The following SLC48A1 variants were observed in gnomAD, a reference collection of about 807,000 sequenced individuals.
SLC48A1 encodes the protein heme transporter HRG1.
Under a neutral mutation model 14.8 loss-of-function variants are expected in SLC48A1, and 6 were observed. That is an observed-to-expected ratio of 0.41 (90% CI 0.22 to 0.80). SLC48A1 has a LOEUF of 0.80. SLC48A1 is among the 30% of genes least tolerant of loss of function. The pLI, the probability that SLC48A1 is intolerant of heterozygous loss-of-function variation, is 0.34. For missense variants in SLC48A1, 165 were observed against 204.8 expected (o/e 0.81, Z 1.19); for synonymous variants, 89 against 90.0 (o/e 0.99, Z 0.06).
At chr12:47,760,551 ACTCT>A in intron 2 of SLC48A1, 4 of 258,056 alleles carry the variant, frequency 1.6e-5, no homozygotes, top group Non-Finnish European at 2.4e-5. Context: ...TGCTGCCCTT[ACTCT>A]GGGCAGGTGG....
At position 47,780,899 on chromosome 12, in the gene SLC48A1, CTT is replaced by C; in HGVS notation, c.*620_*621del. The C allele has an allele frequency of 1.9e-6, 1 of 533,432 alleles. No homozygotes were observed. The highest frequency in any genetic ancestry group is 1.4e-5 in the South Asian group (1 of 71,462). 33.0% of individuals were successfully genotyped at this position (533,432 alleles called of 1,614,324 possible). On this transcript the variant is annotated 3_prime_UTR_variant, in exon 3 of 3. Transcript: ENST00000442218. ...GTTTTCTTAGCACGCAGTGAGGAAT[CTT>C]TGTACTTAAGGCCAGGGCAACAAAG...
Position 47,780,301 on chromosome 12 carries a change from G to A in SLC48A1, c.*20G>A, listed in dbSNP as rs766144159. On this transcript the variant is annotated 3_prime_UTR_variant, in exon 3 of 3. Coordinates refer to ENST00000442218, the MANE Select transcript of SLC48A1 (RefSeq NM_017842.3). ...TTCTGACCCAGGGGGTGAGGTCTCT[G>A]CACCCTGGGGGGGCCTTAGGACCTG... 3.7e-6 allele frequency: 6 copies of A among 1,613,992 alleles called. No individual in the cohort carries two copies. The South Asian group carries it at 5.5e-5, about 15-fold the overall frequency.
Position 47,782,361 on chromosome 12 carries a change from AG to A in SLC48A1, c.*2082del, listed in dbSNP as rs1942905364. 6.6e-6 allele frequency: 1 copy of A among 152,262 alleles called. No individual in the cohort carries two copies. The highest frequency in any genetic ancestry group is 1.5e-5 in the Non-Finnish European group (1 of 68,074). 9.4% of individuals were successfully genotyped at this position (152,262 alleles called of 1,614,324 possible). ...GAGCTCCCAGCTGGGACTTAAACCC[AG>A]GTGTGTCTGAGTCACAACTCTTCGG... On this transcript the variant is annotated 3_prime_UTR_variant, in exon 3 of 3. Coordinates refer to ENST00000442218, the MANE Select transcript of SLC48A1 (RefSeq NM_017842.3).
At chr12:47,774,366 T>C (rs1031812641) in intron 1 of SLC48A1, among the ~76,000 whole-genome samples, 4 of 152,206 alleles carry the variant, frequency 2.6e-5, no homozygotes, top group Non-Finnish European at 5.9e-5. Context: ...ATCCTTACAT[T>C]AGTCTCATGA....
chr12:47,773,131 G>A, upstream of SLC48A1: 3 of 930,688 alleles, frequency 3.2e-6, no homozygotes, highest in Admixed American at 6.2e-5. Context: ...TTCCGGGCGC[G>A]GGCGGCCTCC....
chr12:47,770,177 C>A (rs1942600166), upstream of SLC48A1, among the ~76,000 whole-genome samples: 1 of 152,282 alleles, frequency 6.6e-6, no homozygotes, highest in Non-Finnish European at 1.5e-5. Context: ...TTAAGCCTGG[C>A]CTTAGCCTTG....
At chr12:47,757,473 G>A (rs1014673515), upstream of SLC48A1, among the ~76,000 whole-genome samples, 1 of 152,046 alleles carries the variant, frequency 6.6e-6, no homozygotes, top group African/African-American at 2.4e-5. Context: ...ATGTTGCCAC[G>A]GTGATGCACC....
chr12:47,767,140 G>C (rs1194600275), upstream of SLC48A1, among the ~76,000 whole-genome samples: 1 of 148,590 alleles, frequency 6.7e-6, no homozygotes, highest in Admixed American at 6.7e-5. Flanking sequence ...GTCAGGCACA[G>C]CCTCGGGTTG....
intron 2 of SLC48A1, among the ~76,000 whole-genome samples, chr12:47,764,556 C>G (rs1253340991): frequency 6.6e-6 from 1 of 152,206 alleles, no homozygotes; most frequent in Non-Finnish European, 1.5e-5. Flanking sequence ...AGTTCTGTCT[C>G]TCAGACCTGG....
Position 47,759,007 on chromosome 12 carries a change from G to A in SLC48A1, c.-373+347G>A, listed in dbSNP as rs923294377. ...GGTAGAGGAATGCGTAGGGGAAGGG[G>A]GCCGGCACTGGCAGGCTTTGGAGTC... On this transcript the variant is annotated intron_variant, in intron 1 of 4. Transcript: ENST00000547002. 25 of 991,290 alleles carry A rather than the reference G, an allele frequency of 2.5e-5. No individual in the cohort carries two copies. In the African/African-American group the frequency reaches 4.4e-4, roughly 17 times the overall value. 61.4% of individuals were successfully genotyped at this position (991,290 alleles called of 1,614,324 possible). A position where few individuals can be genotyped will look rare whatever the true frequency, so the allele number is the denominator to read the frequency against.
chr12:47,758,970 G>T, intron 1 of SLC48A1: 1 of 1,007,546 alleles, frequency 9.9e-7, no homozygotes, highest in Non-Finnish European at 1.2e-6. Context: ...GGGTGGAGGC[G>T]CCCTGCCTTA....
upstream of SLC48A1, among the ~76,000 whole-genome samples, chr12:47,755,489 T>G (rs532738685): frequency 2.4e-4 from 36 of 152,348 alleles, no homozygotes; most frequent in African/African-American, 8.7e-4. Flanking sequence ...CAGACTTCCC[T>G]GAGCTAGTAG....
At chr12:47,760,259 T>A in exon 2 of SLC48A1, 1 of 985,488 alleles carries the variant, frequency 1.0e-6, no homozygotes, top group Non-Finnish European at 1.2e-6. Context: ...GGTGGAGTTT[T>A]AAATGCCTCT....
intron 1 of SLC48A1, chr12:47,759,114 G>A (rs1296920970): frequency 1.0e-5 from 10 of 985,542 alleles, no homozygotes; most frequent in African/African-American, 1.7e-5. Context: ...AGTGTGTGGA[G>A]GAGGCCGCAA....
chr12:47,759,239 C>T (rs1397645931), intron 1 of SLC48A1: 15 of 413,344 alleles, frequency 3.6e-5, no homozygotes, highest in Non-Finnish European at 4.9e-5. Context: ...GTCACTGCGG[C>T]CTCACCCGGG....
intron 2 of SLC48A1, among the ~76,000 whole-genome samples, chr12:47,766,258 G>A (rs1272873871): frequency 6.6e-6 from 1 of 152,076 alleles, no homozygotes; most frequent in African/African-American, 2.4e-5. Context: ...GGCAAATATT[G>A]ATGAACCCCT....
At chr12:47,763,017 C>G (rs1565776204) in intron 2 of SLC48A1, among the ~76,000 whole-genome samples, 1 of 152,210 alleles carries the variant, frequency 6.6e-6, no homozygotes, top group Non-Finnish European at 1.5e-5. Context: ...CTGATTGGCT[C>G]TCCCTCCCCA....
At position 47,780,657 on chromosome 12, in the gene SLC48A1, C is replaced by T. The variant is rs1282499833; in HGVS notation, c.*376C>T. 7.2e-6 allele frequency: 3 copies of T among 414,374 alleles called. No homozygotes were observed. The highest frequency in any genetic ancestry group is 1.8e-5 in the South Asian group (1 of 56,554). 25.7% of individuals were successfully genotyped at this position (414,374 alleles called of 1,614,324 possible). A position where few individuals can be genotyped will look rare whatever the true frequency, so the allele number is the denominator to read the frequency against. On this transcript the variant is annotated 3_prime_UTR_variant, in exon 3 of 3. Transcript: ENST00000442218. ...TCTCAGCTCACTGCAACCTCCGCCT[C>T]CCAGGTTCAAGCAATTCTCCTGCCT...
rs1942848981 is a variant in SLC48A1 at position 47,780,585 on chromosome 12, GA to G, written c.*305del. On this transcript the variant is annotated 3_prime_UTR_variant, in exon 3 of 3. Coordinates refer to ENST00000442218, the MANE Select transcript of SLC48A1 (RefSeq NM_017842.3). The stretch of plus-strand genomic sequence containing the variant: ...TTTTTTTTCTTTTTTTTTTTTTTTT[GA>G]GATGGAGTCTTACTCTGTCACCCAG... The G allele has an allele frequency of 5.3e-6, 1 of 187,522 alleles. No individual in the cohort carries two copies. The highest frequency in any genetic ancestry group is 9.9e-6 in the Non-Finnish European group (1 of 101,232). 11.6% of individuals were successfully genotyped at this position (187,522 alleles called of 1,614,324 possible).
Sources: gnomAD v4.1 joint callset for allele counts (sites outside exome capture counted in the v4.1 genomes callset) on GRCh38, gnomAD v4.1.1 for gene constraint, MANE v1.5 for transcripts, NCBI Gene and HGNC (gene_info 2026-07-23, HGNC 2026-07-21) for gene names.